Variants in USP32 observed in about 807,000 individuals in gnomAD.
The protein encoded by USP32 is ubiquitin specific peptidase 32.
Under a neutral mutation model 204.8 loss-of-function variants are expected in USP32, and 59 were observed. The observed-to-expected ratio is 0.29, with a 90% confidence interval of 0.23 to 0.36. The LOEUF is 0.36. USP32 is among the 10% of genes least tolerant of loss of function. The pLI, the probability that USP32 is intolerant of heterozygous loss-of-function variation, is 1.00. For missense variants in USP32, 1,160 were observed against 1,946.4 expected (o/e 0.60, Z 7.60); for synonymous variants, 517 against 678.4 (o/e 0.76, Z 3.70).
chr17:60,420,180 T>A (rs1412894874), intron 1 of USP32, among the ~76,000 whole-genome samples: 1 of 151,844 alleles, frequency 6.6e-6, no homozygotes, highest in African/African-American at 2.4e-5. Context: ...AGAGTTTTAG[T>A]AGAGGGTTTT....
intron 1 of USP32, among the ~76,000 whole-genome samples, chr17:60,398,227 A>G (rs1015323747): frequency 2.0e-4 from 31 of 151,996 alleles, no homozygotes; most frequent in African/African-American, 7.2e-4. Flanking sequence ...ATTACTAGCC[A>G]TCTCAAAAAA....
chr17:60,412,499 C>T (rs915015226), intron 1 of USP32, among the ~76,000 whole-genome samples: 1 of 150,070 alleles, frequency 6.7e-6, no homozygotes, highest in Non-Finnish European at 1.5e-5. Context: ...TGCACCACTG[C>T]ACTCCAGCTT....
At chr17:60,207,937 C>A in intron 24 of USP32, 122 bp downstream of exon 24, 1 of 1,441,276 alleles carries the variant, frequency 6.9e-7, no homozygotes, top group Non-Finnish European at 9.2e-7. Context: ...TGTTGTTGTT[C>A]AGTTTTCGTT....
chr17:60,388,323 C>CACACACACACA (rs1396287994), intron 1 of USP32, among the ~76,000 whole-genome samples: 4 of 150,944 alleles, frequency 2.6e-5, no homozygotes, highest in African/African-American at 9.7e-5. Flanking sequence ...CACACACACA[C>CACACACACACA]ATCGCCTTAT....
intron 16 of USP32, among the ~76,000 whole-genome samples, chr17:60,218,051 T>C (rs1192135152): frequency 6.6e-6 from 1 of 152,196 alleles, no homozygotes; most frequent in Admixed American, 6.5e-5. Context: ...TGTTCTTTGA[T>C]TTTGCTGTTT....
chr17:60,272,708 T>G (rs977043201), intron 5 of USP32, among the ~76,000 whole-genome samples: 9 of 152,152 alleles, frequency 5.9e-5, no homozygotes, highest in African/African-American at 1.7e-4. Flanking sequence ...TTACCCTGGA[T>G]TTTTTCCCCA....
At position 60,259,220 on chromosome 17, in the gene USP32, GAAGATA is replaced by G. The variant is rs1200447068; in HGVS notation, c.991-3968_991-3963del. ...ACAGATCACTTCTAGGAAACACTGAGAAGATAAAGACCAACCTGCGGTCTCTTTAGT... is the reference window on the plus strand; with the variant it reads ...ACAGATCACTTCTAGGAAACACTGAGAAGACCAACCTGCGGTCTCTTTAGT... On this transcript the variant is annotated intron_variant, in intron 9 of 33. Coordinates refer to ENST00000300896, the MANE Select transcript of USP32 (RefSeq NM_032582.4). 3.3e-5 allele frequency among the ~76,000 whole-genome samples: 5 copies of G among 152,120 alleles called. No homozygotes were observed. In the East Asian group the frequency reaches 9.6e-4, roughly 29 times the overall value.
chr17:60,391,340 A>G (rs1272325409), intron 1 of USP32, among the ~76,000 whole-genome samples: 1 of 152,206 alleles, frequency 6.6e-6, no homozygotes. Flanking sequence ...GGGTGGCAGA[A>G]GCGGATGGCC....
intron 1 of USP32, among the ~76,000 whole-genome samples, chr17:60,368,991 ATTTT>A (rs758528054): frequency 8.8e-6 from 1 of 114,130 alleles, no homozygotes; most frequent in Non-Finnish European, 1.6e-5. Context: ...TTTTTAAAAG[ATTTT>A]TTTTTTTTTT....
intron 1 of USP32, among the ~76,000 whole-genome samples, chr17:60,346,301 T>G (rs753998314): frequency 8.5e-5 from 13 of 152,066 alleles, no homozygotes; most frequent in Admixed American, 7.9e-4. Flanking sequence ...CATACAAATT[T>G]TAGGCAGGGG....
At chr17:60,363,224 G>A (rs2089244993) in intron 1 of USP32, among the ~76,000 whole-genome samples, 1 of 151,868 alleles carries the variant, frequency 6.6e-6, no homozygotes, top group Admixed American at 6.6e-5. Flanking sequence ...GGAGGCTGAG[G>A]CGGGCAGATT....
At position 60,212,112 on chromosome 17, in the gene USP32, T is replaced by C. The variant is rs780993587; in HGVS notation, c.2105-14A>G. ...CTTTGTTGCGAACTGGAAGGACAGA[T>C]AGGAATGTGTTAATTTCTTATCTAT... is the stretch of plus-strand genomic sequence containing the variant. On this transcript the variant is annotated splice_polypyrimidine_tract_variant and intron_variant, in intron 18 of 33. Coordinates refer to ENST00000300896, the MANE Select transcript of USP32 (RefSeq NM_032582.4). 3.8e-6 allele frequency: 6 copies of C among 1,586,340 alleles called. No individual in the cohort carries two copies. The highest frequency in any genetic ancestry group is 3.6e-5 in the Admixed American group (2 of 55,356).
intron 3 of USP32, among the ~76,000 whole-genome samples, chr17:60,297,392 T>C (rs890443210): frequency 6.6e-6 from 1 of 151,936 alleles, no homozygotes; most frequent in African/African-American, 2.4e-5. Context: ...TAAAACCCTG[T>C]CTCAATCAAT....
chr17:60,204,581 G>A (rs2084775393), intron 26 of USP32, among the ~76,000 whole-genome samples: 1 of 150,288 alleles, frequency 6.7e-6, no homozygotes, highest in African/African-American at 2.5e-5. Context: ...CAATTCTCCT[G>A]CCTCAGCATC....
chr17:60,232,634 C>A (rs1029084369), intron 12 of USP32, among the ~76,000 whole-genome samples: 17 of 151,232 alleles, frequency 1.1e-4, no homozygotes, highest in Admixed American at 6.6e-4. Context: ...ACAACCTCTG[C>A]CTCCTAGGTT....
intron 7 of USP32, among the ~76,000 whole-genome samples, chr17:60,267,390 C>T (rs953667082): frequency 6.6e-6 from 1 of 151,964 alleles, no homozygotes; most frequent in African/African-American, 2.4e-5. Context: ...AGCAACAGTG[C>T]GAGACTTCGT....
chr17:60,233,530 G>A (rs2085631168), intron 12 of USP32, among the ~76,000 whole-genome samples: 1 of 152,118 alleles, frequency 6.6e-6, no homozygotes. Flanking sequence ...GTAACACTAT[G>A]AGGGCGATTA....
chr17:60,198,784 G>C (rs1300588539), intron 26 of USP32, among the ~76,000 whole-genome samples: 1 of 152,148 alleles, frequency 6.6e-6, no homozygotes, highest in African/African-American at 2.4e-5. Context: ...ATAGCTAAGG[G>C]CTTTTAAACA....
chr17:60,188,741 A>C (rs2084307413), intron 29 of USP32, among the ~76,000 whole-genome samples: 1 of 152,230 alleles, frequency 6.6e-6, no homozygotes, highest in Admixed American at 6.5e-5. Flanking sequence ...CCTAAAAGGG[A>C]AATCACTGGA....
Sources: allele counts gnomAD v4.1 joint callset (sites outside exome capture counted in the v4.1 genomes callset), GRCh38; gene constraint gnomAD v4.1.1; transcripts MANE v1.5; gene names NCBI Gene and HGNC (gene_info 2026-07-23, HGNC 2026-07-21).